Variants in GPC6 observed in about 807,000 individuals in gnomAD.
GPC6 encodes the protein glypican 6.
Under a neutral mutation model 55.2 loss-of-function variants are expected in GPC6, and 14 were observed. The ratio of observed to expected loss-of-function variants is 0.25; its 90% CI spans 0.17 to 0.40. The LOEUF (loss-of-function observed/expected upper bound fraction) is 0.40, where lower values mean the gene tolerates loss of function less well. GPC6 is among the 10% of genes least tolerant of loss of function. The probability of loss-of-function intolerance (pLI) is 1.00; values close to 1 mark genes in which losing one functional copy is unlikely to be tolerated. For synonymous variants in GPC6, 278 were observed against 259.6 expected (o/e 1.07, Z -0.68); for missense variants, 641 against 708.5 (o/e 0.90, Z 1.08).
intron 4 of GPC6, among the ~76,000 whole-genome samples, chr13:94,257,449 C>T (rs1891539107): frequency 6.6e-6 from 1 of 152,168 alleles, no homozygotes; most frequent in African/African-American, 2.4e-5. Context: ...ATACTTTGTC[C>T]AGGGACAAGG....
chr13:93,794,828 A>T (rs2138927681), intron 2 of GPC6, among the ~76,000 whole-genome samples: 1 of 152,348 alleles, frequency 6.6e-6, no homozygotes, highest in Non-Finnish European at 1.5e-5. Context: ...AATGTGAATA[A>T]TAGGAAGTTT....
chr13:93,462,796 A>C (rs1461292700), intron 1 of GPC6, among the ~76,000 whole-genome samples: 1 of 152,026 alleles, frequency 6.6e-6, no homozygotes, highest in African/African-American at 2.4e-5. Flanking sequence ...TGTGTATATA[A>C]GATGAAAAGA....
At chr13:94,146,034 G>C (rs1887552144) in intron 4 of GPC6, among the ~76,000 whole-genome samples, 1 of 152,162 alleles carries the variant, frequency 6.6e-6, no homozygotes, top group African/African-American at 2.4e-5. Flanking sequence ...AAATGAGCAA[G>C]TAACCAATGA....
At chr13:93,553,789 C>G (rs1875296299) in intron 2 of GPC6, among the ~76,000 whole-genome samples, 1 of 149,178 alleles carries the variant, frequency 6.7e-6, no homozygotes, top group Non-Finnish European at 1.5e-5. Context: ...AGTTCATAGA[C>G]TATTCTGGGT....
chr13:93,655,003 A>ATTTTTTTTTTT (rs3884231), intron 2 of GPC6, among the ~76,000 whole-genome samples: 554 of 104,192 alleles, frequency 5.3e-3, no homozygotes, highest in Non-Finnish European at 7.2e-3. Context: ...TGCCCGGCTA[A>ATTTTTTTTTTT]TTTTTTTTTT....
intron 3 of GPC6, among the ~76,000 whole-genome samples, chr13:93,905,262 T>A (rs1446529300): frequency 6.6e-6 from 1 of 152,098 alleles, no homozygotes; most frequent in Admixed American, 6.5e-5. Context: ...TAGCTTTGTC[T>A]CTTACTCTAT....
chr13:93,359,068 G>A (rs183737441), intron 1 of GPC6, among the ~76,000 whole-genome samples: 3 of 149,384 alleles, frequency 2.0e-5, no homozygotes, highest in East Asian at 2.0e-4. Flanking sequence ...TCCTGGGCTC[G>A]AGATCCTCCC....
At chr13:93,708,503 T>C (rs1261377268) in intron 2 of GPC6, among the ~76,000 whole-genome samples, 1 of 151,848 alleles carries the variant, frequency 6.6e-6, no homozygotes, top group East Asian at 1.9e-4. Context: ...GGACTTTTTA[T>C]CAGTCTTTGA....
At chr13:94,177,688 A>G (rs1023833935) in intron 4 of GPC6, among the ~76,000 whole-genome samples, 2 of 152,158 alleles carry the variant, frequency 1.3e-5, no homozygotes, top group Admixed American at 1.3e-4. Context: ...GGCCTTCGGG[A>G]AGCATTAAGA....
intron 3 of GPC6, among the ~76,000 whole-genome samples, chr13:93,843,828 A>G (rs1306726224): frequency 6.6e-6 from 1 of 152,162 alleles, no homozygotes; most frequent in Non-Finnish European, 1.5e-5. Flanking sequence ...ATTCAGTGCT[A>G]GTTGCCATTT....
At chr13:93,467,575 CTTTTTTTT>C (rs11426472) in intron 1 of GPC6, among the ~76,000 whole-genome samples, 25 of 74,022 alleles carry the variant, frequency 3.4e-4, no homozygotes, top group African/African-American at 1.3e-3. Flanking sequence ...AGCTGTGATT[CTTTTTTTT>C]TTTTTTTTTT....
At chr13:93,358,628 A>AATATGCAGTCATCAAATTTGC (rs1270163177) in intron 1 of GPC6, among the ~76,000 whole-genome samples, 11 of 152,220 alleles carry the variant, frequency 7.2e-5, no homozygotes, top group African/African-American at 2.7e-4. Flanking sequence ...ATCATGTAGG[A>AATATGCAGTCATCAAATTTGC]ATATGCAGTC....
At chr13:93,322,093 A>G (rs2139123843) in intron 1 of GPC6, among the ~76,000 whole-genome samples, 1 of 152,326 alleles carries the variant, frequency 6.6e-6, no homozygotes, top group East Asian at 1.9e-4. Context: ...CCAAATTGTT[A>G]TTATTAGATC....
At position 93,733,815 on chromosome 13, in the gene GPC6, G is replaced by A. The variant is rs546469899; in HGVS notation, c.320-96339G>A. 4.2e-4 allele frequency among the ~76,000 whole-genome samples: 64 copies of A among 152,300 alleles called. 1 individual carries two copies. Among genetic ancestry groups the A allele is most frequent in the African/African-American group, 1.3e-3 (56 of 41,582 alleles). On this transcript the variant is annotated intron_variant, in intron 2 of 8. Coordinates refer to ENST00000377047, the MANE Select transcript of GPC6 (RefSeq NM_005708.5). ...AACTCAGTTACGTGGCATTGAGGTA[G>A]CTGAGATAGAGAAAAGGAATGGTTG...
intron 2 of GPC6, among the ~76,000 whole-genome samples, chr13:93,721,552 A>G (rs1031154996): frequency 6.6e-6 from 1 of 151,808 alleles, no homozygotes. Flanking sequence ...AAAATTAAAA[A>G]GGATGAACAG....
At chr13:94,269,248 G>T (rs1891915416) in intron 4 of GPC6, among the ~76,000 whole-genome samples, 4 of 151,892 alleles carry the variant, frequency 2.6e-5, no homozygotes, top group South Asian at 2.1e-4. Context: ...TTTTATTATT[G>T]TCTCCTCAAA....
intron 6 of GPC6, among the ~76,000 whole-genome samples, chr13:94,325,071 A>G (rs1280051740): frequency 6.6e-6 from 1 of 151,140 alleles, no homozygotes; most frequent in African/African-American, 2.4e-5. Context: ...ATTTACTGCT[A>G]TTTTGTCTCT....
At chr13:94,051,215 T>C (rs1050078675) in intron 4 of GPC6, among the ~76,000 whole-genome samples, 2 of 152,208 alleles carry the variant, frequency 1.3e-5, no homozygotes, top group Admixed American at 1.3e-4. Flanking sequence ...TGTTGAAACC[T>C]CCTTGCTTCT....
rs771471593 is a variant in GPC6, at chr13:94,398,639, C to CAAGT, written c.1465+2_1465+5dup. ...GGCAATGATGTCAATTTCCAGGACACAAGTAAGAAAATCCTTCCCAGCACC... is the reference window on the plus strand; with the variant it reads ...GGCAATGATGTCAATTTCCAGGACACAAGTAAGTAAGAAAATCCTTCCCAGCACC... On this transcript the variant is annotated frameshift_variant and splice_region_variant, in exon 8 of 9. Transcript: ENST00000377047. LOFTEE classifies it high-confidence loss of function. 1 of 1,613,782 alleles carries CAAGT rather than the reference C, an allele frequency of 6.2e-7. No homozygotes were observed. Among genetic ancestry groups the CAAGT allele is most frequent in the South Asian group, 1.1e-5 (1 of 91,078 alleles).
Sources: gnomAD v4.1 joint callset for allele counts (sites outside exome capture counted in the v4.1 genomes callset) on GRCh38, gnomAD v4.1.1 for gene constraint, MANE v1.5 for transcripts, NCBI Gene and HGNC (gene_info 2026-07-23, HGNC 2026-07-21) for gene names.